The following ATP4B variants were observed in gnomAD, a reference collection of about 807,000 sequenced individuals.
ATP4B encodes ATPase H+/K+ transporting subunit beta, also known as potassium-transporting ATPase subunit beta.
A neutral mutation model predicts 35.3 loss-of-function variants in ATP4B; 27 were observed. That is an observed-to-expected ratio of 0.76 (90% CI 0.56 to 1.05). The LOEUF (loss-of-function observed/expected upper bound fraction) is 1.05. Among genes scored for constraint, ATP4B ranks in the 50% least tolerant of loss-of-function variants. ATP4B has a pLI of 0.00. For missense variants in ATP4B, 375 were observed against 384.8 expected (o/e 0.97, Z 0.21); for synonymous variants, 162 against 156.0 (o/e 1.04, Z -0.29).
At position 113,652,935 on chromosome 13, in the gene ATP4B, G is replaced by A. The variant is rs748432358; in HGVS notation, c.493C>T (p.Leu165=). 6.2e-7 allele frequency: 1 copy of A among 1,614,234 alleles called. No homozygotes were observed. Among genetic ancestry groups the A allele is most frequent in the Non-Finnish European group, 8.5e-7 (1 of 1,180,046 alleles). ...TCAAAGCCGAAGTTGGGATCCGCCA[G>A]GCCTGAGCAGTTCTGCAGCATATCT... The part of the protein sequence containing the change: ...TADMLQNCSG[L]ADPNFGFEEG... Residue 165 remains leucine, a synonymous_variant, in exon 4 of 7, where the codon CTG becomes TTG. Transcript: ENST00000335288.
At chr13:113,657,381 G>A (rs181387340) in intron 1 of ATP4B, among the ~76,000 whole-genome samples, 21 of 152,340 alleles carry the variant, frequency 1.4e-4, no homozygotes, top group Admixed American at 1.0e-3. Context: ...GGCGTTTCCC[G>A]GAACGGGTGT....
In ATP4B at chr13:113,654,085, A is replaced by C. The variant is rs139366446; in HGVS notation, c.242-651T>G. Among the ~76,000 whole-genome samples the C allele has an allele frequency of 1.6e-3, 249 of 152,130 alleles. 1 individual carries two copies. The highest frequency in any genetic ancestry group is 5.7e-3 in the African/African-American group (237 of 41,500). ...CCTCTTTTTCTGTCATTTTGTGTCA[A>C]CTCACCTCATTCTTTCCATAAATGT... On this transcript the variant is annotated intron_variant, in intron 2 of 6. Coordinates refer to ENST00000335288, the MANE Select transcript of ATP4B (RefSeq NM_000705.4).
In ATP4B at chr13:113,652,864, A is replaced by G; in HGVS notation, c.555+9T>C. The G allele has an allele frequency of 6.2e-7, 1 of 1,613,800 alleles. No individual in the cohort carries two copies. Among genetic ancestry groups the G allele is most frequent in the Non-Finnish European group, 8.5e-7 (1 of 1,179,780 alleles). On this transcript the variant is annotated intron_variant, in intron 4 of 6. Transcript: ENST00000335288. ...GTAGTGGCGTGTGAAGGAGACCCTC[A>G]GTACTCACCCTGTTCATTTTAATAA...
Position 113,650,552 on chromosome 13 carries a change from G to A in ATP4B, c.613-45C>T, listed in dbSNP as rs750322376. 3 of 1,518,610 alleles carry A rather than the reference G, an allele frequency of 2.0e-6. No homozygotes were observed. Among genetic ancestry groups the A allele is most frequent in the Non-Finnish European group, 2.7e-6 (3 of 1,110,550 alleles). 94.1% of individuals were successfully genotyped at this position (1,518,610 alleles called of 1,614,324 possible). On this transcript the variant is annotated intron_variant, in intron 5 of 6. Transcript: ENST00000335288. This position sits in a 1 kb window ranked among gnomAD's most constrained non-coding sequence, Gnocchi z 5.0. ...GCCTGAGTCAGGCGGGAGCTGGTGT[G>A]TGCCGGTGTCTGTGTGTTGCGTTTG...
Position 113,653,379 on chromosome 13 carries a change from G to A in ATP4B, c.297C>T (p.Asn99=), listed in dbSNP as rs201906864. Residue 99 remains asparagine, a synonymous_variant, in exon 3 of 7, where the codon AAC becomes AAT. Coordinates refer to ENST00000335288, the MANE Select transcript of ATP4B (RefSeq NM_000705.4). ...YGEKGLEIVY[N]VSDNRTWADL... ...CTGCCCAGGTTCTGTTATCAGAGAC[G>A]TTGTAGACAATTTCCAGGCCTTTCT... 13 of 1,614,218 alleles carry A rather than the reference G, an allele frequency of 8.1e-6. No individual in the cohort carries two copies. Among genetic ancestry groups the A allele is most frequent in the Middle Eastern group, 1.7e-4 (1 of 6,060 alleles).
intron 2 of ATP4B, among the ~76,000 whole-genome samples, chr13:113,654,039 C>T (rs1276525113): frequency 6.6e-6 from 1 of 152,220 alleles, no homozygotes; most frequent in African/African-American, 2.4e-5. Flanking sequence ...CACACACTTC[C>T]ACTTCCCGTG....
chr13:113,657,130 G>A (rs1448569738), intron 1 of ATP4B, among the ~76,000 whole-genome samples: 1 of 152,162 alleles, frequency 6.6e-6, no homozygotes, highest in Admixed American at 6.5e-5. Flanking sequence ...AGCGTGTCAC[G>A]GGCATTCCCA....
rs759069762 is a variant in ATP4B, at chr13:113,653,405, C to T, written c.271G>A (p.Glu91Lys). ...TTGTAGACAATTTCCAGGCCTTTCT[C>T]CCCGTAAACATCCGGCCTTAAGGTT... ...GVTLRPDVYG[E>K]KGLEIVYNVS... is the part of the protein sequence containing the mutation. Residue 91 changes from glutamate to lysine, a missense_variant, in exon 3 of 7, where the codon GAG (glutamate) becomes AAG (lysine). By Grantham distance (56) the Glu-to-Lys change is moderately conservative. Coordinates refer to ENST00000335288, the MANE Select transcript of ATP4B (RefSeq NM_000705.4). The T allele has an allele frequency of 6.2e-7, 1 of 1,614,250 alleles. No individual in the cohort carries two copies. The highest frequency in any genetic ancestry group is 1.3e-5 in the African/African-American group (1 of 75,068).
chr13:113,650,894 TGA>T lies in ATP4B; in HGVS notation c.613-389_613-388del, dbSNP rs2049706802. Among the ~76,000 whole-genome samples, 1 of 152,002 alleles carries T rather than the reference TGA, an allele frequency of 6.6e-6. No individual in the cohort carries two copies. The highest frequency in any genetic ancestry group is 1.5e-5 in the Non-Finnish European group (1 of 67,984). On this transcript the variant is annotated intron_variant, in intron 5 of 6. Transcript: ENST00000335288. This position sits in a 1 kb window ranked among gnomAD's most constrained non-coding sequence, Gnocchi z 5.0. Reference sequence around the variant, plus strand: ...AGTGGGGCAAGCGAATGCGTTTTTGTGAGATTGGGGCCCTCTCGTTTCAGAAG... The same window carrying T: ...AGTGGGGCAAGCGAATGCGTTTTTGTGATTGGGGCCCTCTCGTTTCAGAAG...
At chr13:113,651,201 T>C (rs1423720058) in intron 5 of ATP4B, among the ~76,000 whole-genome samples, 1 of 152,180 alleles carries the variant, frequency 6.6e-6, no homozygotes, top group African/African-American at 2.4e-5. Flanking sequence ...ATTTAAAAAA[T>C]TCAGTTTTAA....
chr13:113,649,519 G>A lies in ATP4B; in HGVS notation c.731C>T (p.Pro244Leu). 1.3e-6 allele frequency: 2 copies of A among 1,535,876 alleles called. No homozygotes were observed. The highest frequency in any genetic ancestry group is 1.8e-6 in the Non-Finnish European group (2 of 1,136,154). The change falls in exon 7 of 7, where the codon CCC becomes CTC. Residue 244 changes from proline (P) to leucine (L), a missense_variant. Coordinates refer to ENST00000335288, the MANE Select transcript of ATP4B (RefSeq NM_000705.4). The surrounding 1 kb of genome is among the most constrained non-coding windows in gnomAD (Gnocchi z 4.7). ...GTTGAGGAGCTTCGCTGCCACCAGG[G>A]GGTTGCTGTAGTGGGGCTGAAGTGG... ...GKKAQPHYSN[P>L]LVAAKLLNIP...
chr13:113,656,442 G>A (rs1010290771), intron 1 of ATP4B, among the ~76,000 whole-genome samples: 9 of 152,162 alleles, frequency 5.9e-5, no homozygotes, highest in African/African-American at 1.4e-4. Flanking sequence ...CCTGCCTCCC[G>A]GGTAGGAGCC....
In ATP4B at chr13:113,649,777, C is replaced by G. The variant is rs1485329874; in HGVS notation, c.715-242G>C. Among the ~76,000 whole-genome samples, 2 of 152,190 alleles carry G rather than the reference C, an allele frequency of 1.3e-5. No homozygotes were observed. The highest frequency in any genetic ancestry group is 1.9e-4 in the East Asian group (1 of 5,184). ...GAGTAAATTCAGCTTCAAACTCTTA[C>G]GATGATTAACGTAAAAATGAAACAG... On this transcript the variant is annotated intron_variant, in intron 6 of 6. Transcript: ENST00000335288. This position sits in a 1 kb window ranked among gnomAD's most constrained non-coding sequence, Gnocchi z 4.7.
At chr13:113,654,472 A>G (rs972403619) in intron 2 of ATP4B, among the ~76,000 whole-genome samples, 3 of 152,252 alleles carry the variant, frequency 2.0e-5, no homozygotes, top group Non-Finnish European at 4.4e-5. Flanking sequence ...ATCCAAGCAC[A>G]GGAAGTAAGT....
At position 113,653,284 on chromosome 13, in the gene ATP4B, CGCCGCTTCACACCTCACCT is replaced by C. The variant is rs781753159; in HGVS notation, c.355+18_355+36del. 7 of 1,573,428 alleles carry C rather than the reference CGCCGCTTCACACCTCACCT, an allele frequency of 4.4e-6. No homozygotes were observed. Among genetic ancestry groups the C allele is most frequent in the African/African-American group, 2.8e-5 (2 of 72,190 alleles). ...CCCGCCGCTTCACACCTCACCCACC[CGCCGCTTCACACCTCACCT>C]GCCGTTTCACACCTCACCTGCTAGG... On this transcript the variant is annotated intron_variant, in intron 3 of 6. Coordinates refer to ENST00000335288, the MANE Select transcript of ATP4B (RefSeq NM_000705.4).
chr13:113,653,218 T>C lies in ATP4B; in HGVS notation c.355+103A>G, dbSNP rs1417745843. 1.7e-5 allele frequency: 23 copies of C among 1,365,776 alleles called. No homozygotes were observed. In the Admixed American group the frequency reaches 2.4e-4, roughly 14 times the overall value. The allele number at this position is 1,365,776 out of a possible 1,614,324, so 84.6% of individuals were successfully genotyped here. A position where few individuals can be genotyped will look rare whatever the true frequency, so the allele number is the denominator to read the frequency against. ...TGGAGCCGTTTCACACCTCACCTGC[T>C]GCTTCACACCTCACCCACCCGCCGC... On this transcript the variant is annotated intron_variant, in intron 3 of 6. Coordinates refer to ENST00000335288, the MANE Select transcript of ATP4B (RefSeq NM_000705.4).
rs201254921 is a variant in ATP4B, at chr13:113,650,463, G to C, written c.657C>G (p.Tyr219Ter). ...GCAGACTGAAGGTGCCGTTGGGAGG[G>C]TAGTACTTGACCTGCAGCGGCTGGC... ...ELGQPLQVKY[Y>*]PPNGTFSLHY... Residue 219 changes from tyrosine (Y) to a stop codon, truncating the protein, a stop_gained, in exon 6 of 7, where the codon TAC (tyrosine) becomes TAG (stop). Coordinates refer to ENST00000335288, the MANE Select transcript of ATP4B (RefSeq NM_000705.4). LOFTEE classifies it high-confidence loss of function. The surrounding 1 kb of genome is among the most constrained non-coding windows in gnomAD (Gnocchi z 5.0). The C allele has an allele frequency of 3.1e-6, 5 of 1,614,002 alleles. No homozygotes were observed. Among genetic ancestry groups the C allele is most frequent in the South Asian group, 1.1e-5 (1 of 91,086 alleles).
chr13:113,653,157 T>C, intron 3 of ATP4B, 85 bp from the exon 4 acceptor site: 4 of 1,494,848 alleles, frequency 2.7e-6, no homozygotes, highest in Non-Finnish European at 3.6e-6. Flanking sequence ...AAGCCCTGAG[T>C]GCGAGTTTCT....
intron 1 of ATP4B, among the ~76,000 whole-genome samples, chr13:113,657,567 G>T (rs2049765304): frequency 6.6e-6 from 1 of 152,218 alleles, no homozygotes; most frequent in Non-Finnish European, 1.5e-5. Flanking sequence ...GGCAGGCCTG[G>T]TTTACTCCCC....
Sources: gnomAD v4.1 joint callset for allele counts (sites outside exome capture counted in the v4.1 genomes callset) on GRCh38, gnomAD v4.1.1 for gene constraint, Gnocchi (gnomAD v3.1) non-coding constraint, MANE v1.5 for transcripts, NCBI Gene and HGNC (gene_info 2026-07-23, HGNC 2026-07-21) for gene names.